The following BLTP1 variants were observed in gnomAD, a reference collection of about 807,000 sequenced individuals.
The protein encoded by BLTP1 is fragile site-associated protein.
At chr4:122,158,119 AT>A in the BLTP1 span, among the ~76,000 whole-genome samples, 1 of 152,344 alleles carries the variant, frequency 6.6e-6, no homozygotes, top group African/African-American at 2.4e-5. Context: ...TGATGCTAGC[AT>A]TTTAGTGTTA....
the BLTP1 span, chr4:122,200,894 C>T: frequency 7.1e-7 from 1 of 1,416,652 alleles, no homozygotes; most frequent in African/African-American, 1.4e-5. Flanking sequence ...TTCTGTTCAG[C>T]TCAGTAGGAA....
the BLTP1 span, chr4:122,214,094 C>A: frequency 2.2e-6 from 1 of 446,292 alleles, no homozygotes; most frequent in Non-Finnish European, 3.0e-6. Context: ...ATTTTGGAAA[C>A]AGTACTTGTG....
the BLTP1 span, among the ~76,000 whole-genome samples, chr4:122,295,113 TA>T: frequency 6.6e-6 from 1 of 152,026 alleles, no homozygotes; most frequent in Non-Finnish European, 1.5e-5. Flanking sequence ...TGAGATTATT[TA>T]AAAAGACCAA....
chr4:122,359,183 C>T, the BLTP1 span: 5 of 249,728 alleles, frequency 2.0e-5, no homozygotes, highest in Non-Finnish European at 2.5e-5. Flanking sequence ...CACATGTATA[C>T]ATATGTAACT....
chr4:122,276,301 A>G, the BLTP1 span: 1 of 412,184 alleles, frequency 2.4e-6, no homozygotes, highest in South Asian at 1.1e-4. Context: ...TACTATTAAA[A>G]TTTCTATGAT....
chr4:122,175,401 T>G, the BLTP1 span: 2 of 429,072 alleles, frequency 4.7e-6, no homozygotes, highest in Non-Finnish European at 6.2e-6. Flanking sequence ...AGTTTCTCTT[T>G]TGTGTGCTAA....
At chr4:122,167,579 T>G in the BLTP1 span, 1 of 791,294 alleles carries the variant, frequency 1.3e-6, no homozygotes, top group Non-Finnish European at 1.5e-6. Flanking sequence ...CTACTGGCCA[T>G]GGATGTTCTT....
the BLTP1 span, among the ~76,000 whole-genome samples, chr4:122,314,781 C>T: frequency 2.6e-5 from 4 of 152,220 alleles, no homozygotes; most frequent in South Asian, 8.3e-4. Context: ...TTTTAAGTGA[C>T]AACAACCCAC....
the BLTP1 span, among the ~76,000 whole-genome samples, chr4:122,268,364 C>T: frequency 6.6e-6 from 1 of 152,086 alleles, no homozygotes; most frequent in Middle Eastern, 3.2e-3. Flanking sequence ...GGTAAAATGT[C>T]GAACTCCTTT....
the BLTP1 span, chr4:122,356,786 G>T: frequency 1.9e-6 from 3 of 1,592,214 alleles, no homozygotes; most frequent in Non-Finnish European, 2.6e-6. Flanking sequence ...CTTTTAGGCT[G>T]CAAGAATGGC....
At chr4:122,200,093 T>A in the BLTP1 span, 1 of 938,470 alleles carries the variant, frequency 1.1e-6, no homozygotes. Context: ...CTTAATTTCT[T>A]GTCTTAAACA....
chr4:122,303,826 T>C, the BLTP1 span, among the ~76,000 whole-genome samples: 1 of 152,200 alleles, frequency 6.6e-6, no homozygotes, highest in East Asian at 1.9e-4. Context: ...AAAGAAATTC[T>C]ATCTTCAGAT....
chr4:122,223,321 C>CATACATGA, the BLTP1 span, among the ~76,000 whole-genome samples: 2 of 152,120 alleles, frequency 1.3e-5, no homozygotes, highest in Non-Finnish European at 2.9e-5. Flanking sequence ...ATAGCCTAGA[C>CATACATGA]ATACATGAAG....
the BLTP1 span, among the ~76,000 whole-genome samples, chr4:122,233,436 T>G: frequency 6.6e-6 from 1 of 152,216 alleles, no homozygotes; most frequent in East Asian, 1.9e-4. Flanking sequence ...GAATTTGAAC[T>G]CAGGTCTAGA....
the BLTP1 span, among the ~76,000 whole-genome samples, chr4:122,360,837 T>C: frequency 6.6e-6 from 1 of 152,256 alleles, no homozygotes; most frequent in Non-Finnish European, 1.5e-5. Flanking sequence ...TTAAATTGAA[T>C]ACAAAATGAA....
the BLTP1 span, chr4:122,183,351 A>G: frequency 1.1e-6 from 1 of 947,586 alleles, no homozygotes; most frequent in Non-Finnish European, 1.3e-6. Context: ...AAAAAAAAAA[A>G]GCTTAAACAA....
chr4:122,208,502 A>G, the BLTP1 span: 6 of 947,852 alleles, frequency 6.3e-6, no homozygotes, highest in African/African-American at 8.9e-5. Context: ...GAGACTTACT[A>G]GAATCAAATG....
chr4:122,208,056 T>A, the BLTP1 span: 19 of 985,100 alleles, frequency 1.9e-5, no homozygotes, highest in African/African-American at 1.6e-4. Flanking sequence ...ACTTCTAAGC[T>A]CAAAATTTTA....
chr4:122,162,245 A>G, the BLTP1 span, among the ~76,000 whole-genome samples: 1 of 152,220 alleles, frequency 6.6e-6, no homozygotes, highest in African/African-American at 2.4e-5. Flanking sequence ...TCAAAATCAA[A>G]TATACTTTCC....
Sources: gnomAD v4.1 joint callset for allele counts (sites outside exome capture counted in the v4.1 genomes callset) on GRCh38, gnomAD v4.1.1 for gene constraint, MANE v1.5 for transcripts, NCBI Gene and HGNC (gene_info 2026-07-23, HGNC 2026-07-21) for gene names.